Variants in CAMK2D observed in about 807,000 individuals in gnomAD.
CAMK2D encodes calcium/calmodulin dependent protein kinase II delta.
CAMK2D carries 37 observed loss-of-function variants against 84.0 expected under a neutral mutation model. The observed-to-expected ratio is 0.44, with a 90% confidence interval of 0.34 to 0.58. The LOEUF is 0.58. Ranked by LOEUF, CAMK2D falls within the 20% of genes least tolerant of loss-of-function variation. The pLI is 0.02. For synonymous variants in CAMK2D, 202 were observed against 212.5 expected, an observed-to-expected ratio of 0.95 and a Z score of 0.43; for missense variants, 448 against 652.5, an observed-to-expected ratio of 0.69 and a Z score of 3.41.
chr4:113,503,205 C>G, intron 14 of CAMK2D: 1 of 719,468 alleles, frequency 1.4e-6, no homozygotes, highest in South Asian at 1.4e-5. Flanking sequence ...TGCAAAAGAC[C>G]TTATTCTTGA....
chr4:113,580,479 T>C (rs1386079934), intron 4 of CAMK2D, among the ~76,000 whole-genome samples: 4 of 152,234 alleles, frequency 2.6e-5, no homozygotes, highest in Non-Finnish European at 5.9e-5. Flanking sequence ...TAGATATAAC[T>C]GTCTCTCTAG....
At chr4:113,491,749 C>T (rs1231912409) in intron 16 of CAMK2D, among the ~76,000 whole-genome samples, 1 of 152,040 alleles carries the variant, frequency 6.6e-6, no homozygotes, top group East Asian at 1.9e-4. Context: ...TGGTAGAATT[C>T]GGCTGTGAAT....
chr4:113,582,710 G>A (rs1442011626), intron 4 of CAMK2D, among the ~76,000 whole-genome samples: 1 of 152,186 alleles, frequency 6.6e-6, no homozygotes, highest in African/African-American at 2.4e-5. Flanking sequence ...ATATTAAAGG[G>A]ACTTCTTTAA....
In CAMK2D at chr4:113,721,820, T is replaced by C. The variant is rs190400175; in HGVS notation, c.160+37500A>G. 1.0e-3 allele frequency among the ~76,000 whole-genome samples: 152 copies of C among 152,284 alleles called. 1 individual carries two copies. Among genetic ancestry groups the C allele is most frequent in the African/African-American group, 3.3e-3 (137 of 41,562 alleles). Reference sequence around the variant, plus strand: ...GGGGCATTTTCTGGCCCTAAGACGATATAAAGACCACTTGTACTGGTGCAG... The same window carrying C: ...GGGGCATTTTCTGGCCCTAAGACGACATAAAGACCACTTGTACTGGTGCAG... On this transcript the variant is annotated intron_variant, in intron 2 of 20. Coordinates refer to ENST00000511664, the MANE Select transcript of CAMK2D (RefSeq NM_001321571.2).
chr4:113,740,968 T>C (rs1194728112), intron 2 of CAMK2D, among the ~76,000 whole-genome samples: 2 of 152,116 alleles, frequency 1.3e-5, no homozygotes, highest in Admixed American at 6.5e-5. Flanking sequence ...CTGAGAAGCA[T>C]GATAAAATCT....
At chr4:113,759,451 G>A in intron 1 of CAMK2D, 37 bp from the exon 2 acceptor site, 1 of 1,191,166 alleles carries the variant, frequency 8.4e-7, no homozygotes, top group East Asian at 2.4e-5. Context: ...TAATATAACA[G>A]ATATAATATT....
At chr4:113,539,443 T>C (rs1244078990) in intron 6 of CAMK2D, among the ~76,000 whole-genome samples, 1 of 152,252 alleles carries the variant, frequency 6.6e-6, no homozygotes, top group African/African-American at 2.4e-5. Context: ...GCGTAACTGG[T>C]AAATAACCTT....
intron 4 of CAMK2D, among the ~76,000 whole-genome samples, chr4:113,584,225 G>A (rs906708899): frequency 2.0e-5 from 3 of 152,178 alleles, no homozygotes; most frequent in African/African-American, 7.2e-5. Context: ...AAGAACCTAT[G>A]GGGAGTAGAA....
Position 113,586,613 on chromosome 4 carries a change from A to G in CAMK2D, c.275+22539T>C, listed in dbSNP as rs535312505. 2.3e-4 allele frequency among the ~76,000 whole-genome samples: 35 copies of G among 152,280 alleles called. No homozygotes were observed. The South Asian group carries it at 7.0e-3, about 31-fold the overall frequency. On this transcript the variant is annotated intron_variant, in intron 4 of 20. Transcript: ENST00000511664. ...ACTTCTTTTCTCAATAGAACAACCT[A>G]GGTTGTGAGGCTCAGCTCAATTCTG...
intron 4 of CAMK2D, among the ~76,000 whole-genome samples, chr4:113,590,452 A>C (rs2098864736): frequency 6.6e-6 from 1 of 152,196 alleles, no homozygotes; most frequent in Non-Finnish European, 1.5e-5. Flanking sequence ...CCTTTTAACA[A>C]GAAATATAAG....
intron 3 of CAMK2D, among the ~76,000 whole-genome samples, chr4:113,613,204 C>A (rs1021621365): frequency 6.6e-6 from 1 of 152,030 alleles, no homozygotes; most frequent in Non-Finnish European, 1.5e-5. Context: ...GGACATTTTG[C>A]CATAAGCTTT....
chr4:113,494,907 G>A (rs890634220), intron 16 of CAMK2D, among the ~76,000 whole-genome samples: 1 of 152,168 alleles, frequency 6.6e-6, no homozygotes, highest in African/African-American at 2.4e-5. Flanking sequence ...GATTTTCCAG[G>A]TCCCGTCTGT....
chr4:113,610,243 C>T (rs1037923268), intron 3 of CAMK2D, among the ~76,000 whole-genome samples: 3 of 152,088 alleles, frequency 2.0e-5, no homozygotes, highest in South Asian at 2.1e-4. Flanking sequence ...TGAATTCTTC[C>T]TGTGTATCCA....
At chr4:113,639,158 C>T (rs888954221) in intron 3 of CAMK2D, among the ~76,000 whole-genome samples, 1 of 151,330 alleles carries the variant, frequency 6.6e-6, no homozygotes, top group African/African-American at 2.4e-5. Context: ...GGGAGGACTG[C>T]TTGAGCCCAT....
intron 13 of CAMK2D, chr4:113,508,223 G>T (rs773786452): frequency 1.6e-5 from 24 of 1,535,628 alleles, no homozygotes; most frequent in Non-Finnish European, 1.8e-5. Context: ...AAATCTGGCA[G>T]ATAGATCCTC....
intron 3 of CAMK2D, 103 bp downstream of exon 3, chr4:113,661,610 A>T (rs750656236): frequency 1.3e-5 from 7 of 532,932 alleles, no homozygotes; most frequent in Non-Finnish European, 2.0e-5. Context: ...CCTATTTTTT[A>T]AAAGTTATAA....
At chr4:113,487,653 A>G (rs192707733) in intron 16 of CAMK2D, among the ~76,000 whole-genome samples, 41 of 152,208 alleles carry the variant, frequency 2.7e-4, no homozygotes, top group African/African-American at 9.6e-4. Flanking sequence ...TAGTAACTTT[A>G]TAGTCCTATA....
chr4:113,660,510 C>T (rs1392269623), intron 3 of CAMK2D, among the ~76,000 whole-genome samples: 1 of 152,150 alleles, frequency 6.6e-6, no homozygotes, highest in African/African-American at 2.4e-5. Flanking sequence ...CCACCTTAGC[C>T]TCTCTAGTAC....
intron 2 of CAMK2D, among the ~76,000 whole-genome samples, chr4:113,708,414 G>A (rs2099470862): frequency 6.6e-6 from 1 of 152,122 alleles, no homozygotes; most frequent in Non-Finnish European, 1.5e-5. Flanking sequence ...GTCTCCAACT[G>A]ACAATAAAAT....
Sources: gnomAD v4.1 joint callset for allele counts (sites outside exome capture counted in the v4.1 genomes callset) on GRCh38, gnomAD v4.1.1 for gene constraint, MANE v1.5 for transcripts, NCBI Gene and HGNC (gene_info 2026-07-23, HGNC 2026-07-21) for gene names.